Variants in COL10A1 observed in about 807,000 individuals in gnomAD.
COL10A1 encodes collagen alpha-1(X) chain.
Under a neutral mutation model 18.2 loss-of-function variants are expected in COL10A1, and 10 were observed. That is an observed-to-expected ratio of 0.55 (90% confidence interval 0.34 to 0.93). The LOEUF is 0.93. Ranked by LOEUF, COL10A1 falls within the 40% of genes least tolerant of loss-of-function variation. COL10A1 has a pLI of 0.02. For missense variants in COL10A1, 897 were observed against 853.5 expected (o/e 1.05, Z -0.64); for synonymous variants, 330 against 316.6 (o/e 1.04, Z -0.45).
chr6:116,130,477 T>C (rs1315820781), upstream of COL10A1, among the ~76,000 whole-genome samples: 1 of 152,038 alleles, frequency 6.6e-6, no homozygotes, highest in Non-Finnish European at 1.5e-5. Context: ...TTCCTTCTAA[T>C]GTTTTGTACC....
intron 1 of COL10A1, among the ~76,000 whole-genome samples, chr6:116,142,450 T>G (rs1010388836): frequency 1.3e-5 from 2 of 152,218 alleles, no homozygotes; most frequent in African/African-American, 4.8e-5. Context: ...AGTTCTACTC[T>G]TAAACTCATG....
chr6:116,142,173 G>T (rs1437004966), intron 1 of COL10A1, among the ~76,000 whole-genome samples: 1 of 151,972 alleles, frequency 6.6e-6, no homozygotes, highest in Non-Finnish European at 1.5e-5. Flanking sequence ...ACTAATATTA[G>T]TATAGTTCAC....
rs1025403235 is a variant in COL10A1, at chr6:116,137,778, T to A, written c.-15-12271A>T. Among the ~76,000 whole-genome samples, 5 of 152,262 alleles carry A rather than the reference T, an allele frequency of 3.3e-5. No homozygotes were observed. The East Asian group carries it at 5.8e-4, about 18-fold the overall frequency. On this transcript the variant is annotated intron_variant, in intron 1 of 1. Coordinates refer to the COL10A1 transcript ENST00000418500. ...CAGTTATCTTTTAGAGTTGTGAGAA[T>A]CTATTAGAAAATGCCCAGCTTGGCC...
chr6:116,214,711 C>T, the COL10A1 span, among the ~76,000 whole-genome samples: 1 of 151,938 alleles, frequency 6.6e-6, no homozygotes, highest in South Asian at 2.1e-4. Context: ...ATATCATATT[C>T]AAAATGCAAA....
At chr6:116,140,259 C>T (rs1271168223) in intron 1 of COL10A1, among the ~76,000 whole-genome samples, 1 of 152,150 alleles carries the variant, frequency 6.6e-6, no homozygotes, top group Non-Finnish European at 1.5e-5. Context: ...TATGTTCCAT[C>T]CCTTACAAAC....
At chr6:116,208,317 G>A in the COL10A1 span, among the ~76,000 whole-genome samples, 6 of 151,950 alleles carry the variant, frequency 3.9e-5, no homozygotes, top group Non-Finnish European at 8.8e-5. Flanking sequence ...TTCAAGTAAG[G>A]ATAATGTCAG....
chr6:116,119,445 C>T lies in COL10A1; in HGVS notation c.*628G>A, dbSNP rs540517528. On this transcript the variant is annotated 3_prime_UTR_variant, in exon 3 of 3. Transcript: ENST00000651968. ...AGCACCTTGCATTTCAGATGAACTTCAATATTTTGGGGCTTTTTTATATAA... is the reference window on the plus strand; with the variant it reads ...AGCACCTTGCATTTCAGATGAACTTTAATATTTTGGGGCTTTTTTATATAA... 1.3e-5 allele frequency: 2 copies of T among 152,620 alleles called. No homozygotes were observed. Among genetic ancestry groups the T allele is most frequent in the Admixed American group, 1.3e-4 (2 of 15,304 alleles). The allele number at this position is 152,620 out of a possible 1,614,324, so 9.5% of individuals were successfully genotyped here.
the COL10A1 span, among the ~76,000 whole-genome samples, chr6:116,196,632 T>TCCTGTTTACACTAAA: frequency 2.6e-5 from 4 of 152,044 alleles, no homozygotes; most frequent in Non-Finnish European, 5.9e-5. Context: ...AGGAGTAGCT[T>TCCTGTTTACACTAAA]CATTACACTA....
chr6:116,138,435 A>G (rs1779677837), intron 1 of COL10A1, among the ~76,000 whole-genome samples: 1 of 152,192 alleles, frequency 6.6e-6, no homozygotes, highest in South Asian at 2.1e-4. Context: ...CTGCTTTCCA[A>G]ACCATCTCAA....
At chr6:116,144,487 G>A (rs1169777856) in intron 1 of COL10A1, among the ~76,000 whole-genome samples, 4 of 150,004 alleles carry the variant, frequency 2.7e-5, no homozygotes, top group Non-Finnish European at 4.4e-5. Flanking sequence ...ATGACAGAGC[G>A]AGACTCCGTC....
chr6:116,214,415 C>G, the COL10A1 span, among the ~76,000 whole-genome samples: 1 of 152,074 alleles, frequency 6.6e-6, no homozygotes, highest in East Asian at 1.9e-4. Flanking sequence ...TATGCATAAT[C>G]TGGTTTTGCA....
chr6:116,150,735 A>T (rs192879249), intron 1 of COL10A1, among the ~76,000 whole-genome samples: 2 of 152,180 alleles, frequency 1.3e-5, no homozygotes, highest in African/African-American at 2.4e-5. Context: ...GTTGTTTGCT[A>T]TTATTGCTGT....
chr6:116,141,333 A>G (rs752678413), intron 1 of COL10A1, among the ~76,000 whole-genome samples: 14 of 149,644 alleles, frequency 9.4e-5, no homozygotes, highest in Non-Finnish European at 1.9e-4. Context: ...TTCGTTAGTT[A>G]TATGTGTTGC....
At chr6:116,156,983 T>C (rs1467301075) in intron 1 of COL10A1, among the ~76,000 whole-genome samples, 1 of 152,160 alleles carries the variant, frequency 6.6e-6, no homozygotes, top group African/African-American at 2.4e-5. Flanking sequence ...TTCCTCATCA[T>C]AGCTTGTTTA....
chr6:116,179,964 A>T, the COL10A1 span, among the ~76,000 whole-genome samples: 1 of 152,054 alleles, frequency 6.6e-6, no homozygotes, highest in East Asian at 1.9e-4. Flanking sequence ...GATAATGTGG[A>T]TAATTTTAGT....
At chr6:116,133,950 A>T (rs1314878040) in intron 1 of COL10A1, among the ~76,000 whole-genome samples, 2 of 152,220 alleles carry the variant, frequency 1.3e-5, no homozygotes, top group Non-Finnish European at 2.9e-5. Flanking sequence ...TGATCTTATT[A>T]GTGCTGAAAT....
At chr6:116,167,196 C>T in the COL10A1 span, among the ~76,000 whole-genome samples, 3 of 142,982 alleles carry the variant, frequency 2.1e-5, no homozygotes, top group African/African-American at 7.7e-5. Flanking sequence ...AAAATTAGTT[C>T]AAATAGAAGA....
upstream of COL10A1, among the ~76,000 whole-genome samples, chr6:116,129,825 G>A (rs1388970131): frequency 6.6e-6 from 1 of 152,112 alleles, no homozygotes; most frequent in African/African-American, 2.4e-5. Context: ...GCAATTTCCT[G>A]TGATCTAGAA....
At chr6:116,149,441 C>T (rs1222432044) in intron 1 of COL10A1, among the ~76,000 whole-genome samples, 8 of 152,110 alleles carry the variant, frequency 5.3e-5, no homozygotes, top group Non-Finnish European at 1.2e-4. Context: ...TAAATTATTT[C>T]CCTGCCAGTA....
Sources: gnomAD v4.1 joint callset for allele counts (sites outside exome capture counted in the v4.1 genomes callset) on GRCh38, gnomAD v4.1.1 for gene constraint, MANE v1.5 for transcripts, NCBI Gene and HGNC (gene_info 2026-07-23, HGNC 2026-07-21) for gene names.